OSBPL11: variants seen among roughly 807,000 people sequenced by gnomAD.
OSBPL11 encodes the protein oxysterol binding protein like 11.
In OSBPL11, 33 loss-of-function variants were observed where a neutral mutation model predicts 84.4. The observed-to-expected ratio is 0.39, with a 90% confidence interval of 0.30 to 0.52. OSBPL11 has a LOEUF of 0.52. Among genes scored for constraint, OSBPL11 ranks in the 20% least tolerant of loss-of-function variants. OSBPL11 has a pLI of 0.72. For synonymous variants in OSBPL11, 276 were observed against 310.2 expected (o/e 0.89, Z 1.16); for missense variants, 736 against 901.1 (o/e 0.82, Z 2.35).
intron 1 of OSBPL11, among the ~76,000 whole-genome samples, chr3:125,583,932 C>T (rs1936466519): frequency 6.6e-6 from 1 of 152,044 alleles, no homozygotes; most frequent in African/African-American, 2.4e-5. Flanking sequence ...GTTTGGCTCC[C>T]CTATCTTCCC....
At chr3:125,583,405 A>G (rs1936457899) in intron 1 of OSBPL11, among the ~76,000 whole-genome samples, 1 of 151,740 alleles carries the variant, frequency 6.6e-6, no homozygotes. Context: ...ACATGGCGAA[A>G]ACCCATCTCT....
chr3:125,592,976 C>G (rs1580069099), intron 1 of OSBPL11, among the ~76,000 whole-genome samples: 1 of 152,068 alleles, frequency 6.6e-6, no homozygotes, highest in East Asian at 1.9e-4. Context: ...TGACACAAAA[C>G]TATAACAAGA....
At chr3:125,574,682 C>T (rs1415607488) in intron 5 of OSBPL11, among the ~76,000 whole-genome samples, 1 of 152,060 alleles carries the variant, frequency 6.6e-6, no homozygotes, top group Non-Finnish European at 1.5e-5. Context: ...TTTGGACAAC[C>T]ATCTGGTATA....
chr3:125,583,480 C>T (rs1252787390), intron 1 of OSBPL11, among the ~76,000 whole-genome samples: 1 of 146,746 alleles, frequency 6.8e-6, no homozygotes, highest in East Asian at 2.0e-4. Context: ...ACTTGGGAGG[C>T]TGAGGCAGGA....
intron 4 of OSBPL11, among the ~76,000 whole-genome samples, chr3:125,578,518 C>T (rs373434730): frequency 1.3e-5 from 2 of 151,956 alleles, no homozygotes; most frequent in African/African-American, 4.8e-5. Flanking sequence ...CCAAGGTGGG[C>T]GGATCACTTG....
chr3:125,559,123 G>C (rs1202476463), intron 8 of OSBPL11, among the ~76,000 whole-genome samples: 1 of 152,178 alleles, frequency 6.6e-6, no homozygotes, highest in South Asian at 2.1e-4. Context: ...CTACAACAGA[G>C]ACCTATGTCC....
intron 1 of OSBPL11, among the ~76,000 whole-genome samples, chr3:125,588,705 G>A (rs1312200112): frequency 6.6e-6 from 1 of 152,126 alleles, no homozygotes; most frequent in Non-Finnish European, 1.5e-5. Flanking sequence ...GCTTAGCTGA[G>A]GAAAAGGCTA....
chr3:125,587,791 T>G (rs1226908636), intron 1 of OSBPL11, among the ~76,000 whole-genome samples: 2 of 151,952 alleles, frequency 1.3e-5, no homozygotes, highest in African/African-American at 4.8e-5. Flanking sequence ...AATTAAAAAT[T>G]AGCCAGGCAG....
At chr3:125,558,092 C>T (rs1319468460) in intron 8 of OSBPL11, among the ~76,000 whole-genome samples, 2 of 152,166 alleles carry the variant, frequency 1.3e-5, no homozygotes, top group South Asian at 2.1e-4. Flanking sequence ...CCACACCCAG[C>T]CACATACAAC....
intron 10 of OSBPL11, 87 bp from the exon 11 acceptor site, chr3:125,538,720 G>T: frequency 8.3e-7 from 1 of 1,208,524 alleles, no homozygotes; most frequent in Non-Finnish European, 1.1e-6. Flanking sequence ...CACAGCCTGT[G>T]AATCCTGTTG....
At chr3:125,589,499 T>A (rs1160453234) in intron 1 of OSBPL11, among the ~76,000 whole-genome samples, 2 of 152,100 alleles carry the variant, frequency 1.3e-5, no homozygotes, top group Non-Finnish European at 2.9e-5. Flanking sequence ...AGTTTCCAGT[T>A]ACATGCCTAC....
intron 5 of OSBPL11, among the ~76,000 whole-genome samples, chr3:125,571,955 T>G (rs1936249190): frequency 6.6e-6 from 1 of 152,340 alleles, no homozygotes; most frequent in Admixed American, 6.5e-5. Context: ...TTAGATCCAC[T>G]GACAGCTTGT....
intron 6 of OSBPL11, among the ~76,000 whole-genome samples, chr3:125,566,531 C>G (rs565752516): frequency 6.6e-6 from 1 of 152,130 alleles, no homozygotes; most frequent in African/African-American, 2.4e-5. Flanking sequence ...GTCTCCTGAG[C>G]AGAGACTCTA....
intron 5 of OSBPL11, among the ~76,000 whole-genome samples, chr3:125,572,926 C>CTATAT (rs1434529823): frequency 1.0e-4 from 12 of 118,460 alleles, no homozygotes; most frequent in African/African-American, 3.5e-4. Flanking sequence ...TATATATATA[C>CTATAT]ACACACACAC....
At chr3:125,541,878 C>T (rs73191158) in intron 10 of OSBPL11, among the ~76,000 whole-genome samples, 3,101 of 152,248 alleles carry the variant, frequency 0.02, 52 homozygotes, top group South Asian at 0.054. Flanking sequence ...CCACCGTACC[C>T]GGCCCCCAAA....
chr3:125,543,123 GATTTT>G (rs1935758137), intron 10 of OSBPL11, among the ~76,000 whole-genome samples: 1 of 128,088 alleles, frequency 7.8e-6, no homozygotes, highest in African/African-American at 3.1e-5. Context: ...GGGCTAGTAA[GATTTT>G]TTTTTTTTTT....
At position 125,594,912 on chromosome 3, in the gene OSBPL11, TCA is replaced by T; in HGVS notation, c.-114_-113del. ...TCTGAATATGATACCGGTTGCTAAATCACACGGCGGCTGGGGCGGGACTGTCA... is the reference window on the plus strand; with the variant it reads ...TCTGAATATGATACCGGTTGCTAAATCACGGCGGCTGGGGCGGGACTGTCA... On this transcript the variant is annotated 5_prime_UTR_variant, in exon 1 of 13. Coordinates refer to ENST00000296220, the MANE Select transcript of OSBPL11 (RefSeq NM_022776.5). 6 of 1,197,116 alleles carry T rather than the reference TCA, an allele frequency of 5.0e-6. No homozygotes were observed. The highest frequency in any genetic ancestry group is 5.8e-6 in the Non-Finnish European group (5 of 862,080). The allele number at this position is 1,197,116 out of a possible 1,614,324, so 74.2% of individuals were successfully genotyped here. A position where few individuals can be genotyped will look rare whatever the true frequency, so the allele number is the denominator to read the frequency against.
At chr3:125,541,577 TTCTG>T (rs1935729824) in intron 10 of OSBPL11, among the ~76,000 whole-genome samples, 1 of 152,056 alleles carries the variant, frequency 6.6e-6, no homozygotes. Flanking sequence ...CCGAATCTCT[TTCTG>T]TATTATTTTT....
intron 5 of OSBPL11, among the ~76,000 whole-genome samples, chr3:125,575,377 T>C (rs1224592534): frequency 6.6e-6 from 1 of 152,036 alleles, no homozygotes; most frequent in Admixed American, 6.6e-5. Flanking sequence ...CAGTTATATA[T>C]ATAAAAGTTT....
Sources: gnomAD v4.1 joint callset for allele counts (sites outside exome capture counted in the v4.1 genomes callset) on GRCh38, gnomAD v4.1.1 for gene constraint, MANE v1.5 for transcripts, NCBI Gene and HGNC (gene_info 2026-07-23, HGNC 2026-07-21) for gene names.